Variants in ZNF804B observed in about 807,000 individuals in gnomAD.
ZNF804B encodes the protein zinc finger protein 804B.
ZNF804B carries 80 observed loss-of-function variants against 101.4 expected under a neutral mutation model. The ratio of observed to expected loss-of-function variants is 0.79; its 90% confidence interval spans 0.66 to 0.95. ZNF804B has a LOEUF of 0.95. Ranked by LOEUF, ZNF804B falls within the 40% of genes least tolerant of loss-of-function variation. The pLI, the probability that ZNF804B is intolerant of heterozygous loss-of-function variation, is 0.00. For missense variants in ZNF804B, 1,673 were observed against 1,561.9 expected (o/e 1.07, Z -1.20); for synonymous variants, 622 against 558.8 (o/e 1.11, Z -1.59).
At chr7:88,853,620 C>T (rs761521137) in intron 1 of ZNF804B, among the ~76,000 whole-genome samples, 7 of 152,066 alleles carry the variant, frequency 4.6e-5, no homozygotes, top group Non-Finnish European at 1.0e-4. Flanking sequence ...CATTATATCA[C>T]ATTAAAATGC....
intron 3 of ZNF804B, among the ~76,000 whole-genome samples, chr7:89,331,424 A>G (rs917263897): frequency 1.3e-5 from 2 of 151,780 alleles, no homozygotes; most frequent in South Asian, 4.1e-4. Context: ...TCATTTTATT[A>G]AATATGCCTA....
At chr7:89,302,079 T>C (rs1003182864) in intron 2 of ZNF804B, among the ~76,000 whole-genome samples, 7 of 147,178 alleles carry the variant, frequency 4.8e-5, no homozygotes, top group African/African-American at 7.4e-5. Context: ...ATGAGACATA[T>C]ATACATAAGC....
At chr7:89,267,159 T>C (rs1789809392) in intron 2 of ZNF804B, among the ~76,000 whole-genome samples, 1 of 152,152 alleles carries the variant, frequency 6.6e-6, no homozygotes, top group Non-Finnish European at 1.5e-5. Flanking sequence ...TGATCCTTTG[T>C]TTCACCTTTT....
chr7:88,802,524 A>T lies in ZNF804B; in HGVS notation c.108+42440A>T, dbSNP rs142460033. ...GGAAAAGAAAAAAAACTACTCTGGA[A>T]TGTAATTTTCTCTGAGATCTAACCG... On this transcript the variant is annotated intron_variant, in intron 1 of 3. Coordinates refer to ENST00000333190, the MANE Select transcript of ZNF804B (RefSeq NM_181646.5). Among the ~76,000 whole-genome samples, 3 of 152,256 alleles carry T rather than the reference A, an allele frequency of 2.0e-5. No homozygotes were observed. In the East Asian group the frequency reaches 5.8e-4, roughly 29 times the overall value.
intron 1 of ZNF804B, among the ~76,000 whole-genome samples, chr7:89,074,968 T>C (rs1259161521): frequency 6.6e-6 from 1 of 152,136 alleles, no homozygotes; most frequent in Non-Finnish European, 1.5e-5. Flanking sequence ...GCCCTAGAGA[T>C]TCGTGAACTT....
intron 1 of ZNF804B, among the ~76,000 whole-genome samples, chr7:89,115,596 A>G (rs936511542): frequency 3.9e-5 from 6 of 152,194 alleles, no homozygotes; most frequent in Admixed American, 2.0e-4. Flanking sequence ...TGATCTAAAA[A>G]TTGGTTTCTA....
intron 1 of ZNF804B, among the ~76,000 whole-genome samples, chr7:88,867,935 C>T (rs922392542): frequency 2.0e-5 from 3 of 151,902 alleles, no homozygotes; most frequent in African/African-American, 4.8e-5. Flanking sequence ...ATACTAGACC[C>T]CTCAATTGTT....
intron 1 of ZNF804B, among the ~76,000 whole-genome samples, chr7:88,911,280 T>A (rs17165273): frequency 0.19 from 29,010 of 151,680 alleles, 3,025 homozygotes; most frequent in African/African-American, 0.3. Context: ...ATGCTTTTTT[T>A]AATGACATTT....
chr7:89,073,224 G>A (rs987664418), intron 1 of ZNF804B, among the ~76,000 whole-genome samples: 2 of 152,026 alleles, frequency 1.3e-5, no homozygotes, highest in Non-Finnish European at 2.9e-5. Context: ...GGTAGAAACT[G>A]TTTCTTATAT....
intron 1 of ZNF804B, among the ~76,000 whole-genome samples, chr7:88,885,168 T>G (rs943598400): frequency 6.6e-6 from 1 of 151,930 alleles, no homozygotes; most frequent in Non-Finnish European, 1.5e-5. Flanking sequence ...GTACTAAAGA[T>G]TCCATCACCA....
chr7:89,280,354 A>G (rs1790070523), intron 2 of ZNF804B, among the ~76,000 whole-genome samples: 1 of 151,882 alleles, frequency 6.6e-6, no homozygotes. Context: ...AAGAACTAGA[A>G]AAGCAAGAGC....
At chr7:88,963,356 A>G (rs1004715153) in intron 1 of ZNF804B, among the ~76,000 whole-genome samples, 5 of 151,360 alleles carry the variant, frequency 3.3e-5, no homozygotes, top group Admixed American at 6.6e-5. Context: ...GCACGAAAGT[A>G]AGTCCTCATG....
chr7:89,238,393 A>T (rs1251725962), intron 2 of ZNF804B, among the ~76,000 whole-genome samples: 1 of 152,090 alleles, frequency 6.6e-6, no homozygotes, highest in Non-Finnish European at 1.5e-5. Flanking sequence ...GTGGGTCATG[A>T]CTCATTATGG....
intron 1 of ZNF804B, among the ~76,000 whole-genome samples, chr7:88,855,213 C>T (rs1406771077): frequency 6.6e-6 from 1 of 152,080 alleles, no homozygotes; most frequent in Non-Finnish European, 1.5e-5. Flanking sequence ...AGTTTACAGT[C>T]TCACCAACAT....
chr7:88,879,688 T>C (rs912325885), intron 1 of ZNF804B, among the ~76,000 whole-genome samples: 4 of 152,132 alleles, frequency 2.6e-5, no homozygotes, highest in African/African-American at 7.2e-5. Flanking sequence ...GACCGCACCC[T>C]GTGGAAATTC....
intron 1 of ZNF804B, among the ~76,000 whole-genome samples, chr7:89,137,747 G>T (rs1253610803): frequency 6.6e-6 from 1 of 152,120 alleles, no homozygotes; most frequent in East Asian, 1.9e-4. Context: ...CTGCAGAAAT[G>T]AGCATAAATA....
At chr7:88,905,476 A>G (rs566114478) in intron 1 of ZNF804B, among the ~76,000 whole-genome samples, 14 of 151,778 alleles carry the variant, frequency 9.2e-5, no homozygotes, top group Admixed American at 1.3e-4. Context: ...TCCTGCCTCA[A>G]CCTCCCAAAT....
chr7:89,256,197 T>G (rs996006787), intron 2 of ZNF804B, among the ~76,000 whole-genome samples: 1 of 152,190 alleles, frequency 6.6e-6, no homozygotes, highest in African/African-American at 2.4e-5. Context: ...TTTTACAATA[T>G]TCTATTCTTA....
At chr7:89,258,420 A>G (rs1789666745) in intron 2 of ZNF804B, among the ~76,000 whole-genome samples, 1 of 152,182 alleles carries the variant, frequency 6.6e-6, no homozygotes, top group Non-Finnish European at 1.5e-5. Context: ...GTGTAATAAT[A>G]GCATGGCAGC....
Sources: gnomAD v4.1 joint callset for allele counts (sites outside exome capture counted in the v4.1 genomes callset) on GRCh38, gnomAD v4.1.1 for gene constraint, MANE v1.5 for transcripts, NCBI Gene and HGNC (gene_info 2026-07-23, HGNC 2026-07-21) for gene names.